Variants in LRGUK observed in about 807,000 individuals in gnomAD.
The protein encoded by LRGUK is leucine rich repeats and guanylate kinase domain containing.
LRGUK carries 65 observed loss-of-function variants against 76.0 expected under a neutral mutation model. The ratio of observed to expected loss-of-function variants is 0.85; its 90% CI spans 0.70 to 1.05. The LOEUF is 1.05. Ranked by LOEUF, LRGUK falls within the 50% of genes least tolerant of loss-of-function variation. The pLI is 0.00. For missense variants in LRGUK, 758 were observed against 732.8 expected, an observed-to-expected ratio of 1.03 and a Z score of -0.40; for synonymous variants, 268 against 265.6, an observed-to-expected ratio of 1.01 and a Z score of -0.09.
downstream of LRGUK, among the ~76,000 whole-genome samples, chr7:134,266,856 A>G (rs1802865748): frequency 6.6e-6 from 1 of 152,210 alleles, no homozygotes; most frequent in Admixed American, 6.5e-5. Flanking sequence ...TAATAATCAC[A>G]CTACTGAAAA....
chr7:134,158,281 G>T (rs1175254675), intron 6 of LRGUK, 122 bp downstream of exon 6: 5 of 875,080 alleles, frequency 5.7e-6, no homozygotes, highest in Non-Finnish European at 6.7e-6. Flanking sequence ...AAATGTTATT[G>T]TCTTCAGTTT....
intron 1 of LRGUK, among the ~76,000 whole-genome samples, chr7:134,133,913 T>A (rs1797417644): frequency 6.6e-6 from 1 of 151,728 alleles, no homozygotes; most frequent in South Asian, 2.1e-4. Flanking sequence ...ATTATAAAAA[T>A]TAGCCAGGCA....
intron 18 of LRGUK, among the ~76,000 whole-genome samples, chr7:134,252,248 G>A (rs1325298200): frequency 6.6e-6 from 1 of 151,902 alleles, no homozygotes; most frequent in African/African-American, 2.4e-5. Flanking sequence ...TGAGGTGGGA[G>A]GATGGCTTGA....
At chr7:134,138,489 A>G (rs1443642339) in intron 2 of LRGUK, among the ~76,000 whole-genome samples, 1 of 151,966 alleles carries the variant, frequency 6.6e-6, no homozygotes, top group East Asian at 1.9e-4. Context: ...CTCTCCTACC[A>G]AAGTCATAAG....
At chr7:134,134,857 A>G (rs144914334) in intron 1 of LRGUK, among the ~76,000 whole-genome samples, 110 of 152,322 alleles carry the variant, frequency 7.2e-4, no homozygotes, top group African/African-American at 2.5e-3. Flanking sequence ...ATTAGTAGTA[A>G]CAGAAATCGT....
intron 19 of LRGUK, among the ~76,000 whole-genome samples, chr7:134,262,375 AAAAT>A (rs1338916419): frequency 7.2e-5 from 11 of 152,234 alleles, no homozygotes; most frequent in Non-Finnish European, 1.3e-4. Flanking sequence ...CTCTGTCTCA[AAAAT>A]AAATAAAAAT....
chr7:134,260,960 G>C (rs529687299), intron 19 of LRGUK, among the ~76,000 whole-genome samples: 5 of 152,210 alleles, frequency 3.3e-5, no homozygotes, highest in Non-Finnish European at 7.3e-5. Context: ...CAACGTGCTG[G>C]GGTGAGGCGG....
chr7:134,211,287 C>T (rs1432417733), downstream of LRGUK, among the ~76,000 whole-genome samples: 1 of 152,220 alleles, frequency 6.6e-6, no homozygotes, highest in South Asian at 2.1e-4. Context: ...GCCTTTGTGT[C>T]CAGACACGAA....
chr7:134,159,020 G>T (rs1481555795), intron 6 of LRGUK, among the ~76,000 whole-genome samples: 1 of 152,116 alleles, frequency 6.6e-6, no homozygotes. Flanking sequence ...TATCCCACAG[G>T]GGGTTGTTGA....
intron 1 of LRGUK, among the ~76,000 whole-genome samples, chr7:134,132,528 T>A (rs1797358002): frequency 6.6e-6 from 1 of 152,000 alleles, no homozygotes. Context: ...TGAAGAGTAG[T>A]TGGGAGGCGA....
intron 12 of LRGUK, 102 bp downstream of exon 12, chr7:134,191,853 G>T: frequency 4.8e-6 from 4 of 826,592 alleles, no homozygotes; most frequent in South Asian, 2.1e-5. Flanking sequence ...ATTAAATTTT[G>T]TGCTTGTTAT....
At chr7:134,144,976 A>AC (rs1458538950) in intron 4 of LRGUK, among the ~76,000 whole-genome samples, 2 of 152,032 alleles carry the variant, frequency 1.3e-5, no homozygotes, top group African/African-American at 4.8e-5. Context: ...TAACAGCATG[A>AC]CCCCTACCCC....
At chr7:134,226,262 T>TGTGTG (rs1801759800) in intron 16 of LRGUK, among the ~76,000 whole-genome samples, 1 of 97,894 alleles carries the variant, frequency 1.0e-5, no homozygotes, top group Admixed American at 8.5e-5. Flanking sequence ...GTGTGTGTGT[T>TGTGTG]TCTGGTTCTG....
At chr7:134,163,452 A>C in exon 7 of LRGUK, 1 of 1,613,992 alleles carries the variant, frequency 6.2e-7, no homozygotes, top group Non-Finnish European at 8.5e-7. Flanking sequence ...GCCCTGCAGA[A>C]CCTGGATCTG....
chr7:134,244,742 A>G (rs540065006), intron 16 of LRGUK, among the ~76,000 whole-genome samples: 1 of 152,174 alleles, frequency 6.6e-6, no homozygotes, highest in Non-Finnish European at 1.5e-5. Context: ...TGCTATAAAG[A>G]CACATGCACA....
chr7:134,249,817 T>G (rs909996679), intron 18 of LRGUK, among the ~76,000 whole-genome samples: 3 of 152,190 alleles, frequency 2.0e-5, no homozygotes, highest in African/African-American at 7.2e-5. Flanking sequence ...TGTTTCTCCT[T>G]CAGTTGCTCC....
intron 7 of LRGUK, among the ~76,000 whole-genome samples, 163 bp downstream of exon 7, chr7:134,163,703 T>G (rs2116935336): frequency 6.6e-6 from 1 of 152,332 alleles, no homozygotes; most frequent in South Asian, 2.1e-4. Context: ...GCAGAAGGGT[T>G]GTTTTTAAAA....
intron 5 of LRGUK, among the ~76,000 whole-genome samples, chr7:134,149,364 G>A (rs557979260): frequency 5.9e-5 from 9 of 152,280 alleles, no homozygotes; most frequent in Admixed American, 3.9e-4. Flanking sequence ...AGGATTTTGG[G>A]AGACAGAATG....
chr7:134,270,369 A>G, the LRGUK span, among the ~76,000 whole-genome samples: 50 of 152,168 alleles, frequency 3.3e-4, no homozygotes, highest in Non-Finnish European at 5.3e-4. Flanking sequence ...CACAAGACTT[A>G]TATCTTACAA....
Sources: allele counts gnomAD v4.1 joint callset (sites outside exome capture counted in the v4.1 genomes callset), GRCh38; gene constraint gnomAD v4.1.1; transcripts MANE v1.5; gene names NCBI Gene and HGNC (gene_info 2026-07-23, HGNC 2026-07-21).